Variants in KTN1 observed in about 807,000 individuals in gnomAD.
KTN1 encodes the protein kinectin.
A neutral mutation model predicts 222.5 loss-of-function variants in KTN1; 130 were observed. The observed-to-expected ratio is 0.58, with a 90% CI of 0.51 to 0.68. The LOEUF is 0.68. Ranked by LOEUF, KTN1 falls within the 30% of genes least tolerant of loss-of-function variation. The pLI, the probability that KTN1 is intolerant of heterozygous loss-of-function variation, is 0.00. For synonymous variants in KTN1, 512 were observed against 496.3 expected (o/e 1.03, Z -0.42); for missense variants, 1,508 against 1,500.4 (o/e 1.01, Z -0.08).
intron 1 of KTN1, among the ~76,000 whole-genome samples, chr14:55,586,890 T>C (rs1285333331): frequency 1.3e-5 from 2 of 152,218 alleles, no homozygotes; most frequent in Non-Finnish European, 2.9e-5. Context: ...ATGTTCATTA[T>C]AAGTTACTCT....
chr14:55,664,150 C>T, intron 33 of KTN1, 109 bp downstream of exon 33: 1 of 685,594 alleles, frequency 1.5e-6, no homozygotes, highest in Non-Finnish European at 2.5e-6. Context: ...TATAAAATCT[C>T]CTTATCCATA....
chr14:55,610,485 A>T (rs1167472531), intron 1 of KTN1, among the ~76,000 whole-genome samples: 2 of 152,220 alleles, frequency 1.3e-5, no homozygotes, highest in East Asian at 3.8e-4. Context: ...TAGGTGTAAA[A>T]TAATTCTTAG....
chr14:55,602,964 A>C (rs2036204038), intron 1 of KTN1, among the ~76,000 whole-genome samples: 1 of 152,152 alleles, frequency 6.6e-6, no homozygotes, highest in Non-Finnish European at 1.5e-5. Context: ...CAGAATTTTC[A>C]CAAATGTCTA....
Position 55,618,716 on chromosome 14 carries a change from T to C in KTN1, c.833-466T>C, listed in dbSNP as rs895445234. On this transcript the variant is annotated intron_variant, in intron 4 of 43. Transcript: ENST00000395314. Reference sequence around the variant, plus strand: ...AATGTCAGGATGGTTTGCATATATTTGATCTTCATAGAATCAGATTTCCTT... The same window carrying C: ...AATGTCAGGATGGTTTGCATATATTCGATCTTCATAGAATCAGATTTCCTT... 2.6e-5 allele frequency among the ~76,000 whole-genome samples: 4 copies of C among 152,346 alleles called. No homozygotes were observed. The East Asian group carries it at 7.7e-4, about 29-fold the overall frequency.
chr14:55,634,557 G>A lies in KTN1; in HGVS notation c.1360G>A (p.Asp454Asn). The A allele has an allele frequency of 1.2e-6, 2 of 1,613,694 alleles. No homozygotes were observed. The highest frequency in any genetic ancestry group is 1.7e-6 in the Non-Finnish European group (2 of 1,179,838). The change falls in exon 9 of 44, where the codon GAT becomes AAT. Residue 454 changes from aspartate to asparagine, a missense_variant. Asp to Asn is a conservative substitution (Grantham distance 23, BLOSUM62 1). Transcript: ENST00000395314. ...TGCAGAACTAAATAAACTACGCCAG[G>A]ATTATGCTAGGTTGGTGAATGAGCT... Reference protein sequence around the residue: ...QSAELNKLRQDYARLVNELTE... With the variant: ...QSAELNKLRQNYARLVNELTE...
At chr14:55,582,541 G>C (rs967669795) in intron 1 of KTN1, among the ~76,000 whole-genome samples, 9 of 152,120 alleles carry the variant, frequency 5.9e-5, no homozygotes, top group African/African-American at 1.9e-4. Flanking sequence ...ATGACACGTA[G>C]AATACTGAAT....
At chr14:55,585,410 T>C (rs1357909790) in intron 1 of KTN1, among the ~76,000 whole-genome samples, 1 of 152,194 alleles carries the variant, frequency 6.6e-6, no homozygotes, top group Non-Finnish European at 1.5e-5. Flanking sequence ...ACCTTAAATG[T>C]TTTCACTTAA....
At chr14:55,671,321 T>G in intron 35 of KTN1, 1 of 479,394 alleles carries the variant, frequency 2.1e-6, no homozygotes, top group Non-Finnish European at 3.6e-6. Flanking sequence ...TGGGTCTGCT[T>G]TGATCTTACC....
intron 1 of KTN1, among the ~76,000 whole-genome samples, chr14:55,607,068 C>A (rs1566694030): frequency 1.3e-5 from 2 of 152,158 alleles, no homozygotes; most frequent in East Asian, 3.9e-4. Context: ...TTAAGCAGCT[C>A]TATTGAAATT....
chr14:55,657,909 C>A (rs2043672394), intron 29 of KTN1, among the ~76,000 whole-genome samples: 1 of 151,152 alleles, frequency 6.6e-6, no homozygotes, highest in African/African-American at 2.4e-5. Flanking sequence ...GCAAGACTGC[C>A]ATCTTTAAAA....
At chr14:55,678,220 C>A (rs186215673) in intron 41 of KTN1, 132 bp from the exon 42 acceptor site, 2 of 601,278 alleles carry the variant, frequency 3.3e-6, no homozygotes, top group Middle Eastern at 4.5e-4. Flanking sequence ...AAGCTATTTT[C>A]ATTTTGGAGG....
chr14:55,679,560 T>G lies in KTN1; in HGVS notation c.3949-5T>G, dbSNP rs1345947184. On this transcript the variant is annotated splice_region_variant and splice_polypyrimidine_tract_variant and intron_variant, in intron 42 of 43. Coordinates refer to ENST00000395314, the MANE Select transcript of KTN1 (RefSeq NM_001079521.2). ...AGTTTATCATCACTTCCATCTTCTT[T>G]TTAGGAGTCTTCTGAGAAGGAGACA... The G allele has an allele frequency of 1.9e-6, 3 of 1,603,334 alleles. No homozygotes were observed. The highest frequency in any genetic ancestry group is 2.7e-5 in the African/African-American group (2 of 74,542).
chr14:55,651,761 C>G (rs983163267), intron 24 of KTN1, 129 bp from the exon 25 acceptor site: 1 of 619,994 alleles, frequency 1.6e-6, no homozygotes, highest in African/African-American at 1.9e-5. Flanking sequence ...CAAAACACAT[C>G]TCATTTTGTC....
chr14:55,648,042 A>T lies in KTN1; in HGVS notation c.2225A>T (p.Glu742Val). 1 of 1,504,476 alleles carries T rather than the reference A, an allele frequency of 6.6e-7. No individual in the cohort carries two copies. The highest frequency in any genetic ancestry group is 1.4e-5 in the African/African-American group (1 of 70,300). The allele number at this position is 1,504,476 out of a possible 1,614,324, so 93.2% of individuals were successfully genotyped here. The change falls in exon 20 of 44, where the codon GAG (glutamate) becomes GTG (valine). Residue 742 changes from glutamate to valine, a missense_variant. By Grantham distance (121) the Glu-to-Val change is moderately radical. Coordinates refer to ENST00000395314, the MANE Select transcript of KTN1 (RefSeq NM_001079521.2). ...QMEKCIQEKD[E>V]KLKTVEELLE... Reference sequence around the variant, plus strand: ...AATTTCAGCATTCAAGAAAAAGATGAGAAGTTAAAGACTGTGGAAGAATTA... The same window carrying T: ...AATTTCAGCATTCAAGAAAAAGATGTGAAGTTAAAGACTGTGGAAGAATTA...
chr14:55,614,743 C>G (rs2038099525), intron 2 of KTN1, among the ~76,000 whole-genome samples: 1 of 152,088 alleles, frequency 6.6e-6, no homozygotes, highest in Non-Finnish European at 1.5e-5. Context: ...AATAGTTGTA[C>G]CAGAGACCAT....
At chr14:55,662,864 A>G (rs2044299221) in intron 32 of KTN1, 2 of 456,094 alleles carry the variant, frequency 4.4e-6, no homozygotes, top group Non-Finnish European at 8.8e-6. Flanking sequence ...ATATACTGCT[A>G]ACATCTTAAC....
chr14:55,679,748 A>G (rs1433959848), intron 43 of KTN1, 63 bp downstream of exon 43: 8 of 1,491,392 alleles, frequency 5.4e-6, no homozygotes, highest in Non-Finnish European at 7.4e-6. Flanking sequence ...TGTAATGTGT[A>G]TTTACATAAA....
Position 55,648,805 on chromosome 14 carries a change from A to G in KTN1, c.2302A>G (p.Ile768Val), listed in dbSNP as rs768209385. Residue 768 changes from isoleucine to valine, a missense_variant, in exon 21 of 44, where the codon ATA becomes GTA. Ile to Val is a conservative substitution (Grantham distance 29, BLOSUM62 3). Transcript: ENST00000395314. ...VATKEEELNA[I>V]RTENSSLTKE... ...TGCTTATGTGTCTTTGAAAAAGGCAATAAGAACAGAAAATTCATCTCTGAC... is the reference window on the plus strand; with the variant it reads ...TGCTTATGTGTCTTTGAAAAAGGCAGTAAGAACAGAAAATTCATCTCTGAC... 1.3e-5 allele frequency: 20 copies of G among 1,598,228 alleles called. No homozygotes were observed. The highest frequency in any genetic ancestry group is 1.7e-4 in the Middle Eastern group (1 of 6,052).
intron 11 of KTN1, 32 bp from the exon 12 acceptor site, chr14:55,637,747 C>T: frequency 6.6e-7 from 1 of 1,520,816 alleles, no homozygotes; most frequent in Non-Finnish European, 9.1e-7. Flanking sequence ...TATTAGCATG[C>T]TTTTTCTCTT....
Sources: allele counts gnomAD v4.1 joint callset (sites outside exome capture counted in the v4.1 genomes callset), GRCh38; gene constraint gnomAD v4.1.1; transcripts MANE v1.5; gene names NCBI Gene and HGNC (gene_info 2026-07-23, HGNC 2026-07-21).